The following HSPH1 variants were observed in gnomAD, a reference collection of about 807,000 sequenced individuals.
HSPH1 encodes the protein heat shock protein 105 kDa.
HSPH1 carries 40 observed loss-of-function variants against 100.0 expected under a neutral mutation model. That is an observed-to-expected ratio of 0.40 (90% CI 0.31 to 0.52). The LOEUF is 0.52. Among genes scored for constraint, HSPH1 ranks in the 20% least tolerant of loss-of-function variants. The probability of loss-of-function intolerance (pLI) is 0.54; values close to 1 mark genes in which losing one functional copy is unlikely to be tolerated. For missense variants in HSPH1, 876 were observed against 1,015.1 expected (o/e 0.86, Z 1.86); for synonymous variants, 403 against 344.0 (o/e 1.17, Z -1.90).
At chr13:31,161,383 C>G (rs1449903706) in intron 1 of HSPH1, 93 bp downstream of exon 1, 1 of 1,527,874 alleles carries the variant, frequency 6.5e-7, no homozygotes, top group African/African-American at 1.4e-5. Flanking sequence ...CCTCCGTTTG[C>G]CGCGGTGATC....
chr13:31,153,377 C>T (rs149899000), intron 4 of HSPH1, among the ~76,000 whole-genome samples: 1 of 152,278 alleles, frequency 6.6e-6, no homozygotes, highest in East Asian at 1.9e-4. Context: ...GTAAAAACTA[C>T]AGGAACTTAA....
intron 17 of HSPH1, among the ~76,000 whole-genome samples, 155 bp downstream of exon 17, chr13:31,138,252 T>C (rs1251777398): frequency 2.0e-5 from 3 of 152,166 alleles, no homozygotes; most frequent in African/African-American, 7.2e-5. Context: ...TGAGGTCTTC[T>C]GTATTTTGTG....
intron 12 of HSPH1, among the ~76,000 whole-genome samples, chr13:31,142,778 C>T (rs1184156763): frequency 6.6e-6 from 1 of 152,090 alleles, no homozygotes; most frequent in Non-Finnish European, 1.5e-5. Context: ...ATGTTCTAGA[C>T]AGGTACTAAG....
chr13:31,146,906 A>C (rs1045005950), intron 10 of HSPH1, among the ~76,000 whole-genome samples: 1 of 152,218 alleles, frequency 6.6e-6, no homozygotes, highest in African/African-American at 2.4e-5. Flanking sequence ...CCTAGTATTT[A>C]AAGTGCTGTC....
chr13:31,146,183 A>G (rs1956259812), intron 10 of HSPH1, among the ~76,000 whole-genome samples: 1 of 152,102 alleles, frequency 6.6e-6, no homozygotes, highest in African/African-American at 2.4e-5. Context: ...GATAAGAAAA[A>G]TACAAAGGCT....
chr13:31,148,244 G>A, intron 9 of HSPH1, 130 bp downstream of exon 9: 2 of 1,042,556 alleles, frequency 1.9e-6, no homozygotes, highest in Admixed American at 2.5e-5. Context: ...GGTAGATTTG[G>A]TTGTTCAAAG....
At chr13:31,162,201 G>T, upstream of HSPH1, 1 of 1,001,316 alleles carries the variant, frequency 1.0e-6, no homozygotes, top group African/African-American at 1.6e-5. Context: ...AACGAAGAAT[G>T]ACTCCAAAAC....
chr13:31,162,357 G>C (rs1486950542), upstream of HSPH1: 1 of 550,674 alleles, frequency 1.8e-6, no homozygotes, highest in African/African-American at 1.9e-5. Flanking sequence ...CGGAGAGCAT[G>C]TTGGGAATCG....
Position 31,151,119 on chromosome 13 carries a change from C to T in HSPH1, c.736G>A (p.Ala246Thr). 1 of 1,613,680 alleles carries T rather than the reference C, an allele frequency of 6.2e-7. No homozygotes were observed. The highest frequency in any genetic ancestry group is 1.7e-5 in the Admixed American group (1 of 59,964). ...AACTTGTACTTAGTTTTAAATTCTGCACAAAAATGTTCCACTAACTTTTCA... is the reference window on the plus strand; with the variant it reads ...AACTTGTACTTAGTTTTAAATTCTGTACAAAAATGTTCCACTAACTTTTCA... ...FDEKLVEHFC[A>T]EFKTKYKLDA... is the part of the protein sequence containing the mutation. Residue 246 changes from alanine to threonine, a missense_variant, in exon 7 of 18, where the codon GCA becomes ACA. By Grantham distance (58) the Ala-to-Thr change is moderately conservative. Transcript: ENST00000320027.
At chr13:31,151,275 G>T in intron 6 of HSPH1, 84 bp from the exon 7 acceptor site, 1 of 1,078,284 alleles carries the variant, frequency 9.3e-7, no homozygotes, top group Non-Finnish European at 1.3e-6. Context: ...CTCAAACAAT[G>T]AAAGACTAAG....
chr13:31,138,303 G>A, intron 17 of HSPH1, 104 bp downstream of exon 17: 3 of 1,025,992 alleles, frequency 2.9e-6, no homozygotes, highest in Non-Finnish European at 4.5e-6. Flanking sequence ...CAGTTAGGAT[G>A]AGGTAAAAGA....
At chr13:31,138,755 C>T (rs1328893880) in intron 16 of HSPH1, 26 bp downstream of exon 16, 12 of 1,591,760 alleles carry the variant, frequency 7.5e-6, no homozygotes, top group African/African-American at 2.7e-5. Flanking sequence ...TTAACTTCCT[C>T]CCTATGTACA....
intron 17 of HSPH1, among the ~76,000 whole-genome samples, chr13:31,137,985 A>G (rs889829955): frequency 3.3e-5 from 5 of 152,102 alleles, no homozygotes; most frequent in African/African-American, 1.2e-4. Flanking sequence ...CCAGCCTCAC[A>G]TACAACAAGA....
At chr13:31,154,525 C>T (rs577148162) in intron 4 of HSPH1, 108 bp downstream of exon 4, 368 of 1,254,868 alleles carry the variant, frequency 2.9e-4, no homozygotes, top group Non-Finnish European at 4.1e-4. Flanking sequence ...TCCAGTAGAA[C>T]ACGGTCTCTA....
chr13:31,148,308 G>T, intron 9 of HSPH1, 66 bp downstream of exon 9: 1 of 1,104,376 alleles, frequency 9.1e-7, no homozygotes, highest in Non-Finnish European at 1.4e-6. Flanking sequence ...GACTCTACTA[G>T]AGAAGTCATT....
Position 31,161,749 on chromosome 13 carries a change from A to C in HSPH1, c.-167T>G. On this transcript the variant is annotated 5_prime_UTR_variant, in exon 1 of 18. Coordinates refer to ENST00000320027, the MANE Select transcript of HSPH1 (RefSeq NM_006644.4). ...GACACACAGACAGCCGCGGCCTGTC[A>C]GGAGCCTCCTACTCCCCCGGGGACA... The C allele has an allele frequency of 6.5e-7, 1 of 1,530,396 alleles. No individual in the cohort carries two copies. The highest frequency in any genetic ancestry group is 2.5e-5 in the East Asian group (1 of 40,766). The allele number at this position is 1,530,396 out of a possible 1,614,324, so 94.8% of individuals were successfully genotyped here.
At chr13:31,138,965 A>T in intron 15 of HSPH1, 35 bp downstream of exon 15, 2 of 1,587,618 alleles carry the variant, frequency 1.3e-6, no homozygotes, top group Non-Finnish European at 1.7e-6. Flanking sequence ...AGTTTAAAAC[A>T]CAAGTACCAC....
At chr13:31,138,597 A>C (rs771136203) in intron 16 of HSPH1, 29 bp from the exon 17 acceptor site, 1 of 1,586,482 alleles carries the variant, frequency 6.3e-7, no homozygotes, top group African/African-American at 1.4e-5. Context: ...GTCATTCTGT[A>C]GAATTTATTG....
chr13:31,136,513 A>G lies in HSPH1; in HGVS notation c.*805T>C, dbSNP rs543245148. ...CAGGAGAAAAACATTTTCACTTAGAAAAGAGAGAACATAAGCAGTAAAAAA... is the reference window on the plus strand; with the variant it reads ...CAGGAGAAAAACATTTTCACTTAGAGAAGAGAGAACATAAGCAGTAAAAAA... On this transcript the variant is annotated 3_prime_UTR_variant, in exon 18 of 18. Coordinates refer to ENST00000320027, the MANE Select transcript of HSPH1 (RefSeq NM_006644.4). 2.0e-5 allele frequency: 3 copies of G among 152,548 alleles called. No homozygotes were observed. In the East Asian group the frequency reaches 5.8e-4, roughly 29 times the overall value. 9.4% of individuals were successfully genotyped at this position (152,548 alleles called of 1,614,324 possible).
Sources: gnomAD v4.1 joint callset for allele counts (sites outside exome capture counted in the v4.1 genomes callset) on GRCh38, gnomAD v4.1.1 for gene constraint, MANE v1.5 for transcripts, NCBI Gene and HGNC (gene_info 2026-07-23, HGNC 2026-07-21) for gene names.